GNA14: variants seen among roughly 807,000 people sequenced by gnomAD.
GNA14 encodes G protein subunit alpha 14, also known as guanine nucleotide-binding protein subunit alpha-14.
Under a neutral mutation model 42.0 loss-of-function variants are expected in GNA14, and 50 were observed. That is an observed-to-expected ratio of 1.19 (90% CI 0.95 to 1.51). GNA14 has a LOEUF of 1.51. Among genes scored for constraint, GNA14 ranks in the 40% most tolerant of loss-of-function variants. The pLI is 0.00. For synonymous variants in GNA14, 173 were observed against 163.1 expected (o/e 1.06, Z -0.46); for missense variants, 473 against 446.2 (o/e 1.06, Z -0.54).
intron 2 of GNA14, among the ~76,000 whole-genome samples, chr9:77,446,580 T>TC (rs1835821088): frequency 6.6e-6 from 1 of 151,344 alleles, no homozygotes; most frequent in Non-Finnish European, 1.5e-5. Flanking sequence ...TCCCATGCAA[T>TC]CCCCCTCCAT....
At chr9:77,595,226 G>T (rs1230390297) in intron 1 of GNA14, among the ~76,000 whole-genome samples, 2 of 152,028 alleles carry the variant, frequency 1.3e-5, no homozygotes, top group Non-Finnish European at 2.9e-5. Flanking sequence ...GTGAATATTT[G>T]TTAAGTTAAT....
intron 2 of GNA14, among the ~76,000 whole-genome samples, chr9:77,511,559 C>T (rs1489736784): frequency 1.3e-5 from 2 of 152,192 alleles, no homozygotes; most frequent in Non-Finnish European, 2.9e-5. Context: ...AAACCAAACT[C>T]ATGAGCAAAT....
intron 2 of GNA14, among the ~76,000 whole-genome samples, chr9:77,487,018 T>TA (rs35749481): frequency 0.3 from 43,683 of 144,518 alleles, 7,142 homozygotes; most frequent in East Asian, 0.5. Context: ...TTCAATTTGT[T>TA]AAAAAAAAAA....
rs1824387890 is a variant in GNA14 at position 77,647,949 on chromosome 9, G to T, written c.-156C>A. ...TTTGGAGTAAGACGCCTGGACCTCC[G>T]AGGCTCAATCCCCCTTCGAAAGTCG... On this transcript the variant is annotated 5_prime_UTR_variant, in exon 1 of 7. Transcript: ENST00000341700. The T allele has an allele frequency of 1.2e-6, 1 of 813,594 alleles. No individual in the cohort carries two copies. The highest frequency in any genetic ancestry group is 1.8e-5 in the African/African-American group (1 of 55,722). The allele number at this position is 813,594 out of a possible 1,614,324, so 50.4% of individuals were successfully genotyped here. A position where few individuals can be genotyped will look rare whatever the true frequency, so the allele number is the denominator to read the frequency against.
chr9:77,615,142 TA>T (rs1823790141), intron 1 of GNA14, among the ~76,000 whole-genome samples: 1 of 152,330 alleles, frequency 6.6e-6, no homozygotes, highest in East Asian at 1.9e-4. Context: ...GAAACAAATG[TA>T]ACAGCAGCAC....
intron 1 of GNA14, among the ~76,000 whole-genome samples, chr9:77,562,068 C>T (rs73460096): frequency 0.045 from 6,803 of 152,192 alleles, 169 homozygotes; most frequent in African/African-American, 0.054. Context: ...TAAGAAAACT[C>T]AGGAATCACT....
chr9:77,482,336 G>T (rs908763892), intron 2 of GNA14, among the ~76,000 whole-genome samples: 1 of 151,698 alleles, frequency 6.6e-6, no homozygotes, highest in Admixed American at 6.6e-5. Context: ...TAAAAGAAAA[G>T]AATTCTGGGT....
chr9:77,451,130 C>T (rs756770961), intron 2 of GNA14, among the ~76,000 whole-genome samples: 3 of 152,078 alleles, frequency 2.0e-5, no homozygotes, highest in Non-Finnish European at 4.4e-5. Flanking sequence ...GGGGAACATA[C>T]GTGTGTCAGA....
intron 1 of GNA14, among the ~76,000 whole-genome samples, chr9:77,610,479 A>G (rs1823712539): frequency 6.6e-6 from 1 of 152,186 alleles, no homozygotes; most frequent in South Asian, 2.1e-4. Flanking sequence ...TCTTTTTATA[A>G]GAGCACTAAT....
intron 2 of GNA14, among the ~76,000 whole-genome samples, chr9:77,511,289 T>C (rs1837164443): frequency 6.6e-6 from 1 of 152,098 alleles, no homozygotes; most frequent in South Asian, 2.1e-4. Flanking sequence ...AATTCCCACT[T>C]TGCTCCCTGG....
chr9:77,432,271 A>G (rs1446533533), intron 3 of GNA14, among the ~76,000 whole-genome samples: 1 of 152,194 alleles, frequency 6.6e-6, no homozygotes, highest in Non-Finnish European at 1.5e-5. Context: ...GCAGGTCCGC[A>G]TGCAGGCTAA....
At chr9:77,505,119 G>A (rs916229709) in intron 2 of GNA14, among the ~76,000 whole-genome samples, 2 of 152,158 alleles carry the variant, frequency 1.3e-5, no homozygotes, top group Non-Finnish European at 2.9e-5. Flanking sequence ...TGCTTTTACA[G>A]AGAGTAAGTC....
At chr9:77,440,830 C>G (rs1185162360) in intron 2 of GNA14, among the ~76,000 whole-genome samples, 2 of 152,096 alleles carry the variant, frequency 1.3e-5, no homozygotes, top group Non-Finnish European at 2.9e-5. Flanking sequence ...ATTCTCCTGC[C>G]TCGTCCCCCT....
intron 2 of GNA14, among the ~76,000 whole-genome samples, chr9:77,515,610 G>A (rs1327674817): frequency 1.3e-5 from 2 of 152,132 alleles, no homozygotes; most frequent in African/African-American, 4.8e-5. Context: ...TTTATGCATT[G>A]CCTTTGTCTG....
intron 5 of GNA14, among the ~76,000 whole-genome samples, chr9:77,426,175 G>C (rs1835450459): frequency 6.6e-6 from 1 of 152,164 alleles, no homozygotes; most frequent in Admixed American, 6.5e-5. Context: ...TTCCAGCAAG[G>C]CCACTGGCCC....
intron 1 of GNA14, among the ~76,000 whole-genome samples, chr9:77,636,674 G>A (rs771444753): frequency 6.6e-6 from 1 of 152,088 alleles, no homozygotes; most frequent in Non-Finnish European, 1.5e-5. Flanking sequence ...GAAGTGCCAG[G>A]CTCTTCTGAA....
In GNA14 at chr9:77,427,129, C is replaced by CA. The variant is rs1835465947; in HGVS notation, c.724-1415dup. The stretch of plus-strand genomic sequence containing the variant: ...ACCAGGAGGGGAAAGTCTGGAGTGG[C>CA]AACCACTTAATTTTTCTCCAAATAT... On this transcript the variant is annotated intron_variant, in intron 5 of 6. Transcript: ENST00000341700. 2.0e-5 allele frequency among the ~76,000 whole-genome samples: 3 copies of CA among 152,254 alleles called. No individual in the cohort carries two copies. The South Asian group carries it at 6.2e-4, about 32-fold the overall frequency.
At chr9:77,434,244 G>T in intron 3 of GNA14, 124 bp downstream of exon 3, 1 of 863,820 alleles carries the variant, frequency 1.2e-6, no homozygotes, top group Non-Finnish European at 1.8e-6. Context: ...ATATGGGAAA[G>T]CAAAGGCAAG....
chr9:77,514,656 C>G (rs1372649207), intron 2 of GNA14, among the ~76,000 whole-genome samples: 1 of 149,348 alleles, frequency 6.7e-6, no homozygotes, highest in African/African-American at 2.5e-5. Context: ...CTCTGTCCCC[C>G]AGGCTAGAGT....
Sources: gnomAD v4.1 joint callset for allele counts (sites outside exome capture counted in the v4.1 genomes callset) on GRCh38, gnomAD v4.1.1 for gene constraint, MANE v1.5 for transcripts, NCBI Gene and HGNC (gene_info 2026-07-23, HGNC 2026-07-21) for gene names.